Variants in SLC71A2 observed in about 807,000 individuals in gnomAD.
SLC71A2 encodes the protein solute carrier family 71 member 2.
At chr9:94,387,158 G>C in the SLC71A2 span, among the ~76,000 whole-genome samples, 1 of 152,030 alleles carries the variant, frequency 6.6e-6, no homozygotes, top group South Asian at 2.1e-4. Context: ...ATTAAGGTGG[G>C]TGGGAAGGGG....
chr9:94,448,500 G>A, the SLC71A2 span, among the ~76,000 whole-genome samples: 3 of 152,226 alleles, frequency 2.0e-5, no homozygotes, highest in East Asian at 1.9e-4. Context: ...CTTTGACACA[G>A]CAAGCTTCCT....
At chr9:94,414,758 C>A in the SLC71A2 span, among the ~76,000 whole-genome samples, 1 of 152,126 alleles carries the variant, frequency 6.6e-6, no homozygotes, top group Admixed American at 6.5e-5. Context: ...CACCCGGGTT[C>A]AAGCAATTCT....
At chr9:94,451,686 A>T in the SLC71A2 span, among the ~76,000 whole-genome samples, 1 of 152,236 alleles carries the variant, frequency 6.6e-6, no homozygotes, top group Non-Finnish European at 1.5e-5. Flanking sequence ...CTATAGTATA[A>T]TATCAGATCA....
chr9:94,377,284 C>G, the SLC71A2 span, among the ~76,000 whole-genome samples: 1 of 151,994 alleles, frequency 6.6e-6, no homozygotes, highest in African/African-American at 2.4e-5. Context: ...TTCCTTACAG[C>G]TTGGTTTCAG....
At chr9:94,446,080 T>G in the SLC71A2 span, among the ~76,000 whole-genome samples, 5 of 152,204 alleles carry the variant, frequency 3.3e-5, no homozygotes, top group Non-Finnish European at 7.3e-5. Flanking sequence ...GGCTTACTTT[T>G]CCGGGCAATC....
the SLC71A2 span, among the ~76,000 whole-genome samples, chr9:94,383,424 G>A: frequency 3.3e-5 from 5 of 152,154 alleles, no homozygotes; most frequent in East Asian, 7.7e-4. Context: ...GCCTCCCAGA[G>A]TGCTGGGATT....
At chr9:94,424,197 A>G in the SLC71A2 span, among the ~76,000 whole-genome samples, 6 of 152,036 alleles carry the variant, frequency 3.9e-5, no homozygotes, top group Non-Finnish European at 7.4e-5. Flanking sequence ...TCCTTGTGCC[A>G]ACACCATCCT....
chr9:94,444,934 G>T, the SLC71A2 span: 1 of 1,603,562 alleles, frequency 6.2e-7, no homozygotes, highest in Non-Finnish European at 8.5e-7. Context: ...TCACCTATGG[G>T]ACCCTGGGTG....
Sources: gnomAD v4.1 joint callset for allele counts (sites outside exome capture counted in the v4.1 genomes callset) on GRCh38, gnomAD v4.1.1 for gene constraint, MANE v1.5 for transcripts, NCBI Gene and HGNC (gene_info 2026-07-23, HGNC 2026-07-21) for gene names.